KANK1: variants seen among roughly 807,000 people sequenced by gnomAD.
KANK1 encodes the protein KN motif and ankyrin repeat domains 1, also known as KN motif and ankyrin repeat domain-containing protein 1.
A neutral mutation model predicts 106.2 loss-of-function variants in KANK1; 109 were observed. That is an observed-to-expected ratio of 1.03 (90% CI 0.88 to 1.20). The LOEUF is 1.20. KANK1 is among the 50% of genes most tolerant of loss of function. The pLI is 0.00. For synonymous variants in KANK1, 873 were observed against 652.2 expected (o/e 1.34, Z -5.16); for missense variants, 2,399 against 1,710.7 (o/e 1.40, Z -7.10).
intron 1 of KANK1, among the ~76,000 whole-genome samples, chr9:556,131 C>G (rs1248055332): frequency 2.0e-5 from 3 of 152,082 alleles, no homozygotes; most frequent in Non-Finnish European, 2.9e-5. Context: ...AGAATTGTAA[C>G]TGAATACAGA....
At chr9:736,421 A>C (rs931266695) in intron 7 of KANK1, among the ~76,000 whole-genome samples, 2 of 152,164 alleles carry the variant, frequency 1.3e-5, no homozygotes, top group Non-Finnish European at 2.9e-5. Context: ...TTGCTGGTCA[A>C]GTCCAGGCAC....
At chr9:690,654 G>A (rs560610100) in intron 2 of KANK1, among the ~76,000 whole-genome samples, 6 of 152,330 alleles carry the variant, frequency 3.9e-5, no homozygotes, top group African/African-American at 1.4e-4. Flanking sequence ...TGTCCACAGT[G>A]TAATTCAGGC....
Position 739,883 on chromosome 9 carries a change from C to T in KANK1, c.3554-909C>T, listed in dbSNP as rs111661538. Among the ~76,000 whole-genome samples, 724 of 151,928 alleles carry T rather than the reference C, an allele frequency of 4.8e-3. 4 individuals carry two copies. Among genetic ancestry groups the T allele is most frequent in the African/African-American group, 0.016 (670 of 41,414 alleles). ...CAAAGTCCGAGGTGCTAAGGAGCCC[C>T]GAAGCGCACACGAATTCACCTGCTT... On this transcript the variant is annotated intron_variant, in intron 8 of 11. Transcript: ENST00000382297.
intron 1 of KANK1, among the ~76,000 whole-genome samples, chr9:668,488 A>G (rs1845178784): frequency 2.0e-5 from 3 of 151,984 alleles, no homozygotes; most frequent in Admixed American, 2.0e-4. Flanking sequence ...TCTCTGATAA[A>G]TTTCTGAATG....
At chr9:491,637 AAAG>A (rs2058379209) in intron 3 of KANK1, among the ~76,000 whole-genome samples, 2 of 152,258 alleles carry the variant, frequency 1.3e-5, no homozygotes, top group African/African-American at 4.8e-5. Context: ...GACAGGAGAG[AAAG>A]AAGGAGCATG....
At chr9:677,151 G>C in intron 2 of KANK1, 142 bp downstream of exon 2, 3 of 747,332 alleles carry the variant, frequency 4.0e-6, no homozygotes, top group Non-Finnish European at 6.4e-6. Context: ...ATTGAAGTTT[G>C]GGTTTGTTTT....
chr9:671,505 G>GTGA (rs1845892499), intron 1 of KANK1, among the ~76,000 whole-genome samples: 2 of 6,104 alleles, frequency 3.3e-4, no homozygotes, highest in Non-Finnish European at 5.3e-4. Context: ...TTAGCTGGAC[G>GTGA]TGGTGGAGGC....
At chr9:723,066 G>A (rs181556914) in intron 3 of KANK1, among the ~76,000 whole-genome samples, 23 of 152,308 alleles carry the variant, frequency 1.5e-4, no homozygotes, top group African/African-American at 4.8e-4. Context: ...AGCTGGTGAA[G>A]GATGGCGAAT....
At chr9:732,687 G>C (rs958370499) in intron 6 of KANK1, 70 bp downstream of exon 6, 5 of 1,531,576 alleles carry the variant, frequency 3.3e-6, no homozygotes, top group African/African-American at 2.7e-5. Flanking sequence ...GAGTTGGCCA[G>C]TTCAGAGCTT....
intron 1 of KANK1, among the ~76,000 whole-genome samples, chr9:638,765 C>G (rs1327114905): frequency 6.6e-6 from 1 of 152,186 alleles, no homozygotes; most frequent in Non-Finnish European, 1.5e-5. Flanking sequence ...GTAGATTCCT[C>G]TGATTCTCCA....
In KANK1 at chr9:566,407, A is replaced by G. The variant is rs117402186; in HGVS notation, c.-84+61653A>G. On this transcript the variant is annotated intron_variant, in intron 1 of 11. Transcript: ENST00000382297. ...GATTTCTGGGTGGAATGGGAGTTATATTTTTAGAACTTTGAAGACTCATCA... is the reference window on the plus strand; with the variant it reads ...GATTTCTGGGTGGAATGGGAGTTATGTTTTTAGAACTTTGAAGACTCATCA... Among the ~76,000 whole-genome samples, 314 of 152,284 alleles carry G rather than the reference A, an allele frequency of 2.1e-3. 8 individuals carry two copies. The East Asian group carries it at 0.052, about 25-fold the overall frequency.
intron 1 of KANK1, among the ~76,000 whole-genome samples, chr9:583,479 A>G (rs948469986): frequency 4.6e-5 from 7 of 152,122 alleles, no homozygotes; most frequent in African/African-American, 1.7e-4. Flanking sequence ...CCATTTTAGA[A>G]ATAAAATACG....
At chr9:660,096 A>T (rs1404629381) in intron 1 of KANK1, 4 of 438,698 alleles carry the variant, frequency 9.1e-6, no homozygotes, top group Admixed American at 7.1e-5. Flanking sequence ...TTCATCCAAC[A>T]GAGAAATGGC....
At chr9:670,044 A>G (rs1845531974) in intron 1 of KANK1, among the ~76,000 whole-genome samples, 1 of 152,162 alleles carries the variant, frequency 6.6e-6, no homozygotes, top group Non-Finnish European at 1.5e-5. Flanking sequence ...CAGTTAGCAA[A>G]TATATTTTTC....
intron 1 of KANK1, chr9:674,418 G>A (rs1815959505): frequency 6.6e-6 from 1 of 151,186 alleles, no homozygotes; most frequent in South Asian, 2.1e-4. Flanking sequence ...AGAAAAAAGG[G>A]TCCTTTTGAA....
At chr9:660,099 GA>G in intron 1 of KANK1, 1 of 436,882 alleles carries the variant, frequency 2.3e-6, no homozygotes, top group Non-Finnish European at 4.5e-6. Flanking sequence ...ATCCAACAGA[GA>G]AATGGCAGGA....
intron 1 of KANK1, among the ~76,000 whole-genome samples, chr9:598,056 A>G (rs1481219883): frequency 6.6e-6 from 1 of 151,778 alleles, no homozygotes; most frequent in African/African-American, 2.4e-5. Flanking sequence ...GGTATGGGGT[A>G]GGGGCCCAAC....
intron 1 of KANK1, among the ~76,000 whole-genome samples, chr9:630,284 G>A (rs1306159584): frequency 4.1e-5 from 6 of 147,288 alleles, no homozygotes; most frequent in Admixed American, 1.3e-4. Context: ...GGGCAGGCAC[G>A]GTGGCTCACG....
At chr9:540,656 C>G (rs1447426314) in intron 1 of KANK1, 1 of 152,106 alleles carries the variant, frequency 6.6e-6, no homozygotes, top group Non-Finnish European at 1.5e-5. Flanking sequence ...CTGGGATATT[C>G]TTTGTTGAGA....
Sources: allele counts gnomAD v4.1 joint callset (sites outside exome capture counted in the v4.1 genomes callset), GRCh38; gene constraint gnomAD v4.1.1; transcripts MANE v1.5; gene names NCBI Gene and HGNC (gene_info 2026-07-23, HGNC 2026-07-21).